Variants in PTRH2 observed in about 807,000 individuals in gnomAD.
PTRH2 encodes the protein peptidyl-tRNA hydrolase 2, also known as peptidyl-tRNA hydrolase 2, mitochondrial.
In PTRH2, 10 loss-of-function variants were observed where a neutral mutation model predicts 12.3. The ratio of observed to expected loss-of-function variants is 0.81; its 90% confidence interval spans 0.50 to 1.38. The LOEUF (loss-of-function observed/expected upper bound fraction) is 1.38, where lower values mean the gene tolerates loss of function less well. Ranked by LOEUF, PTRH2 falls within the 40% of genes most tolerant of loss-of-function variation. The pLI is 0.00. For missense variants in PTRH2, 176 were observed against 214.1 expected (o/e 0.82, Z 1.11); for synonymous variants, 73 against 77.4 (o/e 0.94, Z 0.30).
At chr17:59,704,375 T>A (rs2033605270) in intron 1 of PTRH2, among the ~76,000 whole-genome samples, 1 of 152,022 alleles carries the variant, frequency 6.6e-6, no homozygotes, top group Admixed American at 6.6e-5. Flanking sequence ...ACAAAAGACA[T>A]CTCAGAGATA....
Position 59,697,521 on chromosome 17 carries a change from G to A in PTRH2, c.458C>T (p.Pro153Leu), listed in dbSNP as rs1297732474. ...AATCCCTAGGACAGTTTGAGAGCCT[G>A]GTGCAATCTGAGTACGTCCAGCATC... ...IQDAGRTQIA[P>L]GSQTVLGIGP... is the part of the protein sequence containing the mutation. The change falls in exon 2 of 2, where the codon CCA (proline) becomes CTA (leucine). Residue 153 changes from proline to leucine, a missense_variant. Coordinates refer to ENST00000393038, the MANE Select transcript of PTRH2 (RefSeq NM_016077.5). The A allele has an allele frequency of 6.2e-7, 1 of 1,614,058 alleles. No individual in the cohort carries two copies. The highest frequency in any genetic ancestry group is 1.7e-5 in the Admixed American group (1 of 60,004).
Position 59,697,697 on chromosome 17 carries a change from G to A in PTRH2, c.282C>T (p.Tyr94=), listed in dbSNP as rs2033466501. The A allele has an allele frequency of 1.9e-6, 3 of 1,614,152 alleles. No individual in the cohort carries two copies. The highest frequency in any genetic ancestry group is 2.5e-6 in the Non-Finnish European group (3 of 1,180,020). Residue 94 remains tyrosine (Y), a synonymous_variant, in exon 2 of 2, where the codon TAC becomes TAT. Transcript: ENST00000393038. Reference sequence around the variant, plus strand: ...CAGGATTTCTTCTTTGAATCTGCTTGTAGGCTGAAACAGCAGCATGAGAGC... The same window carrying A: ...CAGGATTTCTTCTTTGAATCTGCTTATAGGCTGAAACAGCAGCATGAGAGC... ...AQCSHAAVSA[Y]KQIQRRNPEM...
At chr17:59,706,075 T>G (rs967433295) in intron 1 of PTRH2, among the ~76,000 whole-genome samples, 4 of 152,250 alleles carry the variant, frequency 2.6e-5, no homozygotes, top group African/African-American at 9.6e-5. Context: ...CATATTAATC[T>G]GATCAGATTA....
chr17:59,698,098 A>AC, intron 1 of PTRH2, 120 bp from the exon 2 acceptor site: 2 of 1,009,816 alleles, frequency 2.0e-6, no homozygotes, highest in Non-Finnish European at 2.8e-6. Context: ...GGCAAAACAC[A>AC]CCTTTGATCT....
At chr17:59,706,234 A>AT (rs1339989163) in intron 1 of PTRH2, among the ~76,000 whole-genome samples, 3 of 152,232 alleles carry the variant, frequency 2.0e-5, no homozygotes, top group African/African-American at 7.2e-5. Context: ...GCAGAACAAA[A>AT]TAAGTACATC....
At chr17:59,698,791 C>T (rs2033500019) in intron 1 of PTRH2, 1 of 683,354 alleles carries the variant, frequency 1.5e-6, no homozygotes. Flanking sequence ...TAACACGAGG[C>T]TCTTTTATAA....
chr17:59,703,847 T>C (rs2033596917), intron 1 of PTRH2, among the ~76,000 whole-genome samples: 2 of 139,158 alleles, frequency 1.4e-5, no homozygotes, highest in African/African-American at 5.4e-5. Flanking sequence ...CTCACTCTAT[T>C]GCCAGGCTGG....
At chr17:59,698,257 C>T (rs2033485917) in intron 1 of PTRH2, 4 of 438,916 alleles carry the variant, frequency 9.1e-6, no homozygotes, top group Non-Finnish European at 1.6e-5. Context: ...CTCAGTCTTC[C>T]CTTAGTCTTG....
chr17:59,699,218 G>C (rs1055769707), intron 1 of PTRH2: 2 of 232,658 alleles, frequency 8.6e-6, no homozygotes, highest in Admixed American at 5.3e-5. Context: ...GGCCACTGCT[G>C]ATAGCAGCAA....
At position 59,697,970 on chromosome 17, in the gene PTRH2, G is replaced by C. The variant is rs1025577730; in HGVS notation, c.9C>G (p.Ser3=). Residue 3 remains serine, a synonymous_variant, in exon 2 of 2, where the codon TCC becomes TCG. Transcript: ENST00000393038. ...CCAAATATTCCATAACCAAGGATTTGGAGGGCATCTTAAAGGAAAGGAAAA... is the reference window on the plus strand; with the variant it reads ...CCAAATATTCCATAACCAAGGATTTCGAGGGCATCTTAAAGGAAAGGAAAA... The part of the protein sequence containing the change: MP[S]KSLVMEYLAH... 1.9e-6 allele frequency: 3 copies of C among 1,611,276 alleles called. No individual in the cohort carries two copies. Among genetic ancestry groups the C allele is most frequent in the African/African-American group, 2.7e-5 (2 of 74,902 alleles).
intron 1 of PTRH2, among the ~76,000 whole-genome samples, chr17:59,702,313 C>T (rs1003753038): frequency 1.3e-5 from 2 of 152,108 alleles, no homozygotes; most frequent in African/African-American, 4.8e-5. Context: ...AGATGGGAGG[C>T]AGTAACAGAT....
chr17:59,701,432 C>T (rs1032765807), intron 1 of PTRH2: 3 of 152,046 alleles, frequency 2.0e-5, no homozygotes, highest in Non-Finnish European at 2.9e-5. Context: ...ATTTTGGAGA[C>T]GAACAATTAC....
At chr17:59,705,660 C>CT (rs1323268583) in intron 1 of PTRH2, among the ~76,000 whole-genome samples, 1 of 152,090 alleles carries the variant, frequency 6.6e-6, no homozygotes, top group Non-Finnish European at 1.5e-5. Flanking sequence ...AACTCCTGGC[C>CT]TCAAGGAGTT....
intron 1 of PTRH2, among the ~76,000 whole-genome samples, chr17:59,702,429 A>C (rs935387280): frequency 6.6e-6 from 1 of 152,226 alleles, no homozygotes; most frequent in African/African-American, 2.4e-5. Flanking sequence ...GTCGCTAATT[A>C]GACGGAGCTC....
At chr17:59,698,392 C>A (rs2033489394) in intron 1 of PTRH2, 1 of 222,018 alleles carries the variant, frequency 4.5e-6, no homozygotes, top group Non-Finnish European at 9.0e-6. Context: ...GGTATCAAAT[C>A]AGTTACCCTC....
chr17:59,697,637 G>C lies in PTRH2; in HGVS notation c.342C>G (p.Pro114=). Residue 114 remains proline, a synonymous_variant, in exon 2 of 2, where the codon CCC becomes CCG. Transcript: ENST00000393038. ...CATCAGGAGCTTTGACCACCACCTT[G>C]GGCTGGCCACAGTATTCCCATTGTT... ...MLKQWEYCGQ[P]KVVVKAPDEE... The C allele has an allele frequency of 6.2e-7, 1 of 1,614,100 alleles. No individual in the cohort carries two copies. Among genetic ancestry groups the C allele is most frequent in the Admixed American group, 1.7e-5 (1 of 59,996 alleles).
At chr17:59,704,051 A>G (rs542630297) in intron 1 of PTRH2, among the ~76,000 whole-genome samples, 19 of 150,612 alleles carry the variant, frequency 1.3e-4, no homozygotes, top group African/African-American at 4.2e-4. Flanking sequence ...CAGGTGATCC[A>G]CCCACCTCGA....
intron 1 of PTRH2, among the ~76,000 whole-genome samples, chr17:59,704,533 A>T (rs781085271): frequency 1.3e-5 from 2 of 152,226 alleles, no homozygotes; most frequent in Non-Finnish European, 2.9e-5. Context: ...ATGGAAGAGT[A>T]TGAGGCCACT....
intron 1 of PTRH2, among the ~76,000 whole-genome samples, chr17:59,703,875 T>C (rs867673095): frequency 6.7e-6 from 1 of 149,330 alleles, no homozygotes; most frequent in Admixed American, 6.7e-5. Flanking sequence ...TGGTGCAATC[T>C]TGGTTCACTG....
Sources: allele counts gnomAD v4.1 joint callset (sites outside exome capture counted in the v4.1 genomes callset), GRCh38; gene constraint gnomAD v4.1.1; transcripts MANE v1.5; gene names NCBI Gene and HGNC (gene_info 2026-07-23, HGNC 2026-07-21).